Variants in PTPRD observed in about 807,000 individuals in gnomAD.
The protein encoded by PTPRD is protein tyrosine phosphatase receptor type D.
Under a neutral mutation model 214.5 loss-of-function variants are expected in PTPRD, and 34 were observed. The ratio of observed to expected loss-of-function variants is 0.16; its 90% confidence interval spans 0.12 to 0.21. The LOEUF (loss-of-function observed/expected upper bound fraction) is 0.21, where lower values mean the gene tolerates loss of function less well. PTPRD is among the 10% of genes least tolerant of loss of function. The probability of loss-of-function intolerance (pLI) is 1.00; values close to 1 mark genes in which losing one functional copy is unlikely to be tolerated. For synonymous variants in PTPRD, 1,128 were observed against 845.7 expected (o/e 1.33, Z -5.79); for missense variants, 2,545 against 2,398.7 (o/e 1.06, Z -1.27).
chr9:10,099,680 T>G (rs1217589449), intron 3 of PTPRD, among the ~76,000 whole-genome samples: 1 of 151,746 alleles, frequency 6.6e-6, no homozygotes, highest in Non-Finnish European at 1.5e-5. Context: ...TAAAATGATC[T>G]CACAGCCCAT....
intron 3 of PTPRD, among the ~76,000 whole-genome samples, chr9:10,230,450 A>G (rs1304660216): frequency 3.3e-5 from 5 of 150,792 alleles, no homozygotes; most frequent in East Asian, 2.0e-4. Context: ...CTATCTATCT[A>G]TCTATCTATC....
intron 11 of PTPRD, among the ~76,000 whole-genome samples, chr9:8,767,117 CT>C (rs988462505): frequency 6.6e-6 from 1 of 151,866 alleles, no homozygotes; most frequent in Non-Finnish European, 1.5e-5. Flanking sequence ...TATTTCCCCA[CT>C]TTTTTTTCTT....
At chr9:8,650,358 T>C (rs973867397) in intron 12 of PTPRD, among the ~76,000 whole-genome samples, 2 of 151,954 alleles carry the variant, frequency 1.3e-5, no homozygotes, top group Admixed American at 6.5e-5. Context: ...GGAGAAACTC[T>C]GTCTCTACTA....
chr9:9,695,666 T>C (rs2097360206), intron 7 of PTPRD, among the ~76,000 whole-genome samples: 1 of 152,218 alleles, frequency 6.6e-6, no homozygotes. Context: ...ATCAAATGTG[T>C]TTGTTCTCGG....
chr9:9,313,594 A>G (rs927777236), intron 9 of PTPRD, among the ~76,000 whole-genome samples: 3 of 152,288 alleles, frequency 2.0e-5, no homozygotes, highest in Admixed American at 1.3e-4. Flanking sequence ...TCAATGCACA[A>G]TGCAGTCCAT....
intron 6 of PTPRD, among the ~76,000 whole-genome samples, chr9:9,751,797 T>C (rs141233895): frequency 1.3e-5 from 2 of 152,226 alleles, no homozygotes; most frequent in African/African-American, 4.8e-5. Flanking sequence ...ATGTCTGTTG[T>C]TTAAGCTGCT....
intron 3 of PTPRD, among the ~76,000 whole-genome samples, chr9:10,068,652 G>A (rs2097930295): frequency 6.6e-6 from 1 of 151,574 alleles, no homozygotes; most frequent in South Asian, 2.1e-4. Context: ...AGAAACTGGT[G>A]TAACCACAAG....
chr9:10,562,581 C>T (rs1308372668), intron 2 of PTPRD, among the ~76,000 whole-genome samples: 1 of 152,026 alleles, frequency 6.6e-6, no homozygotes, highest in Non-Finnish European at 1.5e-5. Context: ...ATTGATATCA[C>T]ATAAATATGA....
intron 7 of PTPRD, among the ~76,000 whole-genome samples, chr9:9,686,292 AATT>A (rs1303326853): frequency 1.3e-5 from 1 of 77,814 alleles, no homozygotes; most frequent in Non-Finnish European, 2.9e-5. Flanking sequence ...TGTATGTATG[AATT>A]ATTTTTTCTA....
intron 12 of PTPRD, chr9:8,713,732 C>G: frequency 1.3e-6 from 2 of 1,503,978 alleles, no homozygotes; most frequent in Admixed American, 3.4e-5. Flanking sequence ...CGCCGGCAGG[C>G]TGTCAAGCAG....
intron 11 of PTPRD, among the ~76,000 whole-genome samples, chr9:8,750,848 G>T (rs1351079663): frequency 2.6e-5 from 4 of 152,250 alleles, no homozygotes; most frequent in South Asian, 4.1e-4. Context: ...ACACTGGAGG[G>T]CTTTATGCTA....
chr9:8,748,353 A>C lies in PTPRD; in HGVS notation c.-103-14407T>G, dbSNP rs111694340. Among the ~76,000 whole-genome samples, 1,375 of 152,036 alleles carry C rather than the reference A, an allele frequency of 9.0e-3. 24 individuals carry two copies. Among genetic ancestry groups the C allele is most frequent in the African/African-American group, 0.031 (1,290 of 41,470 alleles). On this transcript the variant is annotated intron_variant, in intron 11 of 45. Transcript: ENST00000381196. Reference sequence around the variant, plus strand: ...AAAATGCTAATTAGGCAAAAACAGGAGGTAAAGAAATAGCCAATCATCTAT... The same window carrying C: ...AAAATGCTAATTAGGCAAAAACAGGCGGTAAAGAAATAGCCAATCATCTAT...
intron 9 of PTPRD, among the ~76,000 whole-genome samples, chr9:9,221,279 T>C (rs761806023): frequency 3.9e-5 from 6 of 152,110 alleles, no homozygotes; most frequent in Admixed American, 1.3e-4. Context: ...ATGATCAGGA[T>C]AGAATTCGGA....
chr9:9,463,789 C>T (rs7871358), intron 8 of PTPRD, among the ~76,000 whole-genome samples: 122,834 of 150,906 alleles, frequency 0.81, 49,773 homozygotes, highest in Middle Eastern at 0.92. Flanking sequence ...TGAATAAACA[C>T]AGAAGTTTAC....
At chr9:8,884,719 CAA>C (rs2098472577) in intron 11 of PTPRD, among the ~76,000 whole-genome samples, 1 of 152,188 alleles carries the variant, frequency 6.6e-6, no homozygotes, top group Non-Finnish European at 1.5e-5. Flanking sequence ...GAGTTTGTAG[CAA>C]AGAGAAGGGC....
At chr9:9,649,587 G>C (rs1004796062) in intron 7 of PTPRD, among the ~76,000 whole-genome samples, 1 of 152,138 alleles carries the variant, frequency 6.6e-6, no homozygotes, top group Non-Finnish European at 1.5e-5. Context: ...CTTTGAGTGA[G>C]ACTAAATATC....
At chr9:9,758,217 T>G (rs2098607753) in intron 6 of PTPRD, among the ~76,000 whole-genome samples, 1 of 151,054 alleles carries the variant, frequency 6.6e-6, no homozygotes, top group Non-Finnish European at 1.5e-5. Context: ...AAACATCACT[T>G]ATTTCCTTAT....
chr9:10,115,061 A>C (rs1486775794), intron 3 of PTPRD, among the ~76,000 whole-genome samples: 1 of 151,876 alleles, frequency 6.6e-6, no homozygotes, highest in Non-Finnish European at 1.5e-5. Context: ...AAAAACCTTC[A>C]AAGTGCTATC....
chr9:9,338,293 T>C (rs2045397129), intron 9 of PTPRD, among the ~76,000 whole-genome samples: 1 of 152,174 alleles, frequency 6.6e-6, no homozygotes, highest in African/African-American at 2.4e-5. Flanking sequence ...AGGAATTCCA[T>C]TCTTAAGAAT....
Sources: allele counts gnomAD v4.1 joint callset (sites outside exome capture counted in the v4.1 genomes callset), GRCh38; gene constraint gnomAD v4.1.1; transcripts MANE v1.5; gene names NCBI Gene and HGNC (gene_info 2026-07-23, HGNC 2026-07-21).